THSD7B: variants seen among roughly 807,000 people sequenced by gnomAD.
THSD7B encodes the protein thrombospondin type-1 domain-containing protein 7B.
Under a neutral mutation model 213.6 loss-of-function variants are expected in THSD7B, and 138 were observed. The ratio of observed to expected loss-of-function variants is 0.65; its 90% CI spans 0.56 to 0.74. THSD7B has a LOEUF of 0.74. Among genes scored for constraint, THSD7B ranks in the 30% least tolerant of loss-of-function variants. THSD7B has a pLI of 0.00. For missense variants in THSD7B, 1,931 were observed against 1,991.5 expected, an observed-to-expected ratio of 0.97 and a Z score of 0.58; for synonymous variants, 742 against 687.0, an observed-to-expected ratio of 1.08 and a Z score of -1.25.
At chr2:137,616,422 G>T in intron 18 of THSD7B, 106 bp downstream of exon 18, 1 of 1,019,560 alleles carries the variant, frequency 9.8e-7, no homozygotes, top group Non-Finnish European at 1.5e-6. Context: ...AGTAGAATGT[G>T]TGAGTGTATT....
At chr2:137,332,585 G>A (rs1191925310) in intron 12 of THSD7B, among the ~76,000 whole-genome samples, 1 of 152,100 alleles carries the variant, frequency 6.6e-6, no homozygotes, top group Non-Finnish European at 1.5e-5. Context: ...TGAAATGTGA[G>A]GACATGAGAT....
chr2:137,648,915 TC>T (rs1683087676), intron 21 of THSD7B, among the ~76,000 whole-genome samples: 1 of 152,240 alleles, frequency 6.6e-6, no homozygotes. Context: ...TTTGTCCACA[TC>T]CTCACCAGCA....
intron 2 of THSD7B, among the ~76,000 whole-genome samples, chr2:136,905,322 CT>C (rs1256598492): frequency 6.6e-6 from 1 of 152,150 alleles, no homozygotes; most frequent in East Asian, 1.9e-4. Flanking sequence ...ATGATTCCCT[CT>C]TTCTTCACTC....
chr2:137,569,274 C>T (rs943586404), intron 16 of THSD7B, among the ~76,000 whole-genome samples: 10 of 152,204 alleles, frequency 6.6e-5, no homozygotes, highest in Non-Finnish European at 1.3e-4. Context: ...GTTGTATTTC[C>T]ATCCTACAGA....
At chr2:137,260,883 CT>C (rs1682428460) in intron 10 of THSD7B, among the ~76,000 whole-genome samples, 1 of 152,112 alleles carries the variant, frequency 6.6e-6, no homozygotes, top group Admixed American at 6.5e-5. Flanking sequence ...TTTTAAATGG[CT>C]ATATGGTAAT....
intron 21 of THSD7B, among the ~76,000 whole-genome samples, chr2:137,645,186 A>C (rs2104865033): frequency 6.6e-6 from 1 of 152,338 alleles, no homozygotes; most frequent in South Asian, 2.1e-4. Flanking sequence ...GAAGTAGATA[A>C]GTTAAAGTAC....
chr2:137,281,073 G>A (rs1029427323), intron 12 of THSD7B, among the ~76,000 whole-genome samples: 3 of 152,156 alleles, frequency 2.0e-5, no homozygotes, highest in Admixed American at 6.6e-5. Flanking sequence ...ACTTGTCTAC[G>A]ATATCGTTGA....
In THSD7B at chr2:137,587,215, G is replaced by T. The variant is rs187533528; in HGVS notation, c.3423+14659G>T. On this transcript the variant is annotated intron_variant, in intron 17 of 27. Transcript: ENST00000409968. ...GTCCTTTAAGGACTTCTCTACACTG[G>T]TTATTCTAGTTAGCCATTCGTCTAA... 5.9e-3 allele frequency among the ~76,000 whole-genome samples: 899 copies of T among 152,170 alleles called. 9 individuals carry two copies. The highest frequency in any genetic ancestry group is 0.021 in the African/African-American group (855 of 41,502).
At chr2:137,455,695 T>C (rs1687749447) in intron 15 of THSD7B, among the ~76,000 whole-genome samples, 1 of 152,250 alleles carries the variant, frequency 6.6e-6, no homozygotes, top group African/African-American at 2.4e-5. Flanking sequence ...AAACATCTTC[T>C]AAATAGTTTA....
At chr2:137,110,511 G>C (rs963474530) in intron 4 of THSD7B, among the ~76,000 whole-genome samples, 3 of 152,148 alleles carry the variant, frequency 2.0e-5, no homozygotes, top group Admixed American at 6.6e-5. Flanking sequence ...GGTTCAAAAT[G>C]GCTGACAATG....
At chr2:136,976,442 C>G (rs1685482222) in intron 2 of THSD7B, among the ~76,000 whole-genome samples, 2 of 152,020 alleles carry the variant, frequency 1.3e-5, no homozygotes, top group African/African-American at 4.8e-5. Context: ...GTTTTCTTAT[C>G]TTTAGTTCTG....
intron 15 of THSD7B, among the ~76,000 whole-genome samples, chr2:137,494,213 T>C (rs1223817594): frequency 1.3e-5 from 2 of 152,170 alleles, no homozygotes; most frequent in South Asian, 2.1e-4. Flanking sequence ...CATAGTATGC[T>C]GAATGAAATA....
intron 17 of THSD7B, among the ~76,000 whole-genome samples, chr2:137,587,956 G>C (rs1347847674): frequency 3.9e-5 from 6 of 152,218 alleles, no homozygotes; most frequent in Non-Finnish European, 7.3e-5. Flanking sequence ...AAGGCAGCAG[G>C]CCTCTTTGAG....
At chr2:137,315,335 C>T (rs1378892510) in intron 12 of THSD7B, among the ~76,000 whole-genome samples, 2 of 152,194 alleles carry the variant, frequency 1.3e-5, no homozygotes, top group Non-Finnish European at 2.9e-5. Flanking sequence ...TTGAGCTTCC[C>T]AAGTGAGGCA....
intron 17 of THSD7B, among the ~76,000 whole-genome samples, chr2:137,572,760 T>C (rs1050857543): frequency 6.6e-6 from 1 of 152,188 alleles, no homozygotes; most frequent in African/African-American, 2.4e-5. Flanking sequence ...CCAGTCCTTC[T>C]TCCAGGGCCT....
At chr2:137,133,274 G>A (rs938858629) in intron 5 of THSD7B, among the ~76,000 whole-genome samples, 2 of 152,170 alleles carry the variant, frequency 1.3e-5, no homozygotes, top group Non-Finnish European at 2.9e-5. Context: ...GCAACCTGAA[G>A]GGTTTGTTTG....
At chr2:136,896,536 T>C (rs1683963296) in intron 2 of THSD7B, among the ~76,000 whole-genome samples, 1 of 152,230 alleles carries the variant, frequency 6.6e-6, no homozygotes, top group South Asian at 2.1e-4. Context: ...AGTGCAAAAG[T>C]TTTGTATTCT....
chr2:136,814,010 C>G (rs1435042503), intron 1 of THSD7B, among the ~76,000 whole-genome samples: 8 of 152,142 alleles, frequency 5.3e-5, no homozygotes, highest in Admixed American at 5.2e-4. Flanking sequence ...TTTTCTGACT[C>G]AGGCTCTCCT....
At chr2:137,562,420 A>T (rs1004961803) in intron 15 of THSD7B, among the ~76,000 whole-genome samples, 2 of 152,032 alleles carry the variant, frequency 1.3e-5, no homozygotes, top group Non-Finnish European at 2.9e-5. Flanking sequence ...AGGTAGACAA[A>T]CTCAATTGGC....
Sources: allele counts gnomAD v4.1 joint callset (sites outside exome capture counted in the v4.1 genomes callset), GRCh38; gene constraint gnomAD v4.1.1; transcripts MANE v1.5; gene names NCBI Gene and HGNC (gene_info 2026-07-23, HGNC 2026-07-21).